Variants in GGNBP2 observed in about 807,000 individuals in gnomAD.
GGNBP2 encodes gametogenetin binding protein 2.
A neutral mutation model predicts 85.9 loss-of-function variants in GGNBP2; 10 were observed. That is an observed-to-expected ratio of 0.12 (90% CI 0.07 to 0.20). GGNBP2 has a LOEUF of 0.20. Among genes scored for constraint, GGNBP2 ranks in the 10% least tolerant of loss-of-function variants. The probability of loss-of-function intolerance (pLI) is 1.00; values close to 1 mark genes in which losing one functional copy is unlikely to be tolerated. For synonymous variants in GGNBP2, 287 were observed against 285.7 expected, an observed-to-expected ratio of 1.00 and a Z score of -0.05; for missense variants, 595 against 857.8, an observed-to-expected ratio of 0.69 and a Z score of 3.83.
At position 36,585,886 on chromosome 17, in the gene GGNBP2, C is replaced by T; in HGVS notation, c.1413C>T (p.Ser471=). 1.2e-6 allele frequency: 2 copies of T among 1,613,746 alleles called. No individual in the cohort carries two copies. Among genetic ancestry groups the T allele is most frequent in the Non-Finnish European group, 1.7e-6 (2 of 1,179,706 alleles). The change falls in exon 11 of 14, where the codon AGC becomes AGT. Residue 471 remains serine, a synonymous_variant. Transcript: ENST00000613102. ...GTAGTGATTGTGGATATTCATCTAGCATGGAAGGGAGTGAAACAGGTTCTC... is the reference window on the plus strand; with the variant it reads ...GTAGTGATTGTGGATATTCATCTAGTATGGAAGGGAGTGAAACAGGTTCTC... The part of the protein sequence containing the change: ...CNGSDCGYSS[S]MEGSETGSRE...
chr17:36,546,831 C>G (rs2074259910), intron 2 of GGNBP2: 1 of 152,064 alleles, frequency 6.6e-6, no homozygotes, highest in Non-Finnish European at 1.5e-5. Context: ...AGTTTTGTTC[C>G]TCAATATTTT....
At chr17:36,576,659 GTATA>G (rs1249359830) in intron 6 of GGNBP2, 4 of 121,228 alleles carry the variant, frequency 3.3e-5, no homozygotes, top group Non-Finnish European at 6.5e-5. Context: ...GTATATATAT[GTATA>G]TATATGTGTA....
At chr17:36,578,894 A>G (rs2074617489) in intron 7 of GGNBP2, 1 of 168,700 alleles carries the variant, frequency 5.9e-6, no homozygotes, top group Admixed American at 6.1e-5. Flanking sequence ...CAAAAAACCT[A>G]AAGAAGGAAA....
At chr17:36,585,019 C>A (rs980984983) in intron 9 of GGNBP2, among the ~76,000 whole-genome samples, 3 of 151,402 alleles carry the variant, frequency 2.0e-5, no homozygotes, top group Admixed American at 2.0e-4. Context: ...AATATTTTTA[C>A]AGCTTCCTCA....
intron 3 of GGNBP2, 27 bp from the exon 4 acceptor site, chr17:36,557,056 C>T: frequency 6.2e-7 from 1 of 1,612,202 alleles, no homozygotes; most frequent in Non-Finnish European, 8.5e-7. Context: ...TTAAAGGACA[C>T]TCTTTCATTT....
chr17:36,566,736 G>A (rs187059156), intron 5 of GGNBP2, among the ~76,000 whole-genome samples: 67 of 151,992 alleles, frequency 4.4e-4, no homozygotes, highest in Admixed American at 2.5e-3. Flanking sequence ...TAAAGTGTTC[G>A]TCTTAGTGTA....
intron 6 of GGNBP2, among the ~76,000 whole-genome samples, chr17:36,570,244 G>A (rs2074509838): frequency 6.6e-6 from 1 of 152,112 alleles, no homozygotes; most frequent in African/African-American, 2.4e-5. Flanking sequence ...CTGCCATGGT[G>A]GCACAAACCT....
At chr17:36,548,014 G>T (rs180959293) in intron 2 of GGNBP2, among the ~76,000 whole-genome samples, 1 of 152,216 alleles carries the variant, frequency 6.6e-6, no homozygotes, top group African/African-American at 2.4e-5. Flanking sequence ...GAAGGAAGAT[G>T]CCCCTATCAG....
In GGNBP2 at chr17:36,567,680, T is replaced by C. The variant is rs750529198; in HGVS notation, c.545T>C (p.Val182Ala). Residue 182 changes from valine to alanine, a missense_variant, in exon 6 of 14, where the codon GTA becomes GCA. Transcript: ENST00000613102. Reference protein sequence around the residue: ...PKPLGGCWMDVWELMSQECRD... With the variant: ...PKPLGGCWMDAWELMSQECRD... Reference sequence around the variant, plus strand: ...TTCTACAGAGGTTGTTGGATGGATGTATGGGAACTAATGTCGCAGGAATGC... The same window carrying C: ...TTCTACAGAGGTTGTTGGATGGATGCATGGGAACTAATGTCGCAGGAATGC... The C allele has an allele frequency of 6.3e-7, 1 of 1,589,614 alleles. No homozygotes were observed. The highest frequency in any genetic ancestry group is 8.6e-7 in the Non-Finnish European group (1 of 1,158,408).
intron 5 of GGNBP2, among the ~76,000 whole-genome samples, chr17:36,566,171 A>G (rs1344943265): frequency 6.6e-6 from 1 of 152,210 alleles, no homozygotes; most frequent in Non-Finnish European, 1.5e-5. Context: ...CTGCAGAAGA[A>G]CAGACAGGAG....
chr17:36,563,150 TA>T (rs1364804014), intron 5 of GGNBP2, among the ~76,000 whole-genome samples: 1 of 149,316 alleles, frequency 6.7e-6, no homozygotes, highest in Non-Finnish European at 1.5e-5. Flanking sequence ...CTTGTAATCT[TA>T]GCTACTTGGG....
chr17:36,574,677 A>G, intron 6 of GGNBP2: 1 of 625,066 alleles, frequency 1.6e-6, no homozygotes, highest in South Asian at 1.8e-5. Flanking sequence ...AAGGTGTAGC[A>G]GTCATCAATA....
intron 3 of GGNBP2, among the ~76,000 whole-genome samples, chr17:36,556,172 G>A (rs546271727): frequency 1.3e-5 from 2 of 152,168 alleles, no homozygotes; most frequent in Non-Finnish European, 2.9e-5. Context: ...TGCAACAGTA[G>A]CTCTCAGTTA....
At chr17:36,554,076 C>T (rs1348981743) in intron 2 of GGNBP2, among the ~76,000 whole-genome samples, 3 of 152,068 alleles carry the variant, frequency 2.0e-5, no homozygotes, top group South Asian at 4.2e-4. Flanking sequence ...ACTGTAATCC[C>T]AGTACTTTGG....
Position 36,559,277 on chromosome 17 carries a change from A to G in GGNBP2, c.429-1496A>G, listed in dbSNP as rs188036877. On this transcript the variant is annotated intron_variant, in intron 4 of 13. Coordinates refer to ENST00000613102, the MANE Select transcript of GGNBP2 (RefSeq NM_024835.5). ...GCGCCACTGCAGTCCAGCGTGGGCA[A>G]CAGAGCGAGACTCTGTCTCAAAAAA... 4.0e-5 allele frequency among the ~76,000 whole-genome samples: 6 copies of G among 148,652 alleles called. No homozygotes were observed. In the East Asian group the frequency reaches 1.2e-3, roughly 29 times the overall value.
At chr17:36,583,852 A>G (rs2074675173) in intron 9 of GGNBP2, among the ~76,000 whole-genome samples, 1 of 152,198 alleles carries the variant, frequency 6.6e-6, no homozygotes, top group Non-Finnish European at 1.5e-5. Flanking sequence ...TAAAAGATTC[A>G]TTGCAATATG....
chr17:36,587,561 T>C, intron 13 of GGNBP2: 2 of 291,702 alleles, frequency 6.9e-6, no homozygotes, highest in Admixed American at 4.4e-5. Context: ...ACATTCAACA[T>C]CCCAATAAAC....
At chr17:36,551,484 G>A (rs754613542) in intron 2 of GGNBP2, among the ~76,000 whole-genome samples, 46 of 152,072 alleles carry the variant, frequency 3.0e-4, no homozygotes, top group Non-Finnish European at 3.7e-4. Flanking sequence ...GATTACGGGC[G>A]TGAGCCACCG....
intron 6 of GGNBP2, among the ~76,000 whole-genome samples, chr17:36,570,525 C>T (rs982903071): frequency 6.6e-6 from 1 of 152,076 alleles, no homozygotes; most frequent in African/African-American, 2.4e-5. Context: ...CATGGGGAAA[C>T]CCCATCTCTA....
Sources: gnomAD v4.1 joint callset for allele counts (sites outside exome capture counted in the v4.1 genomes callset) on GRCh38, gnomAD v4.1.1 for gene constraint, MANE v1.5 for transcripts, NCBI Gene and HGNC (gene_info 2026-07-23, HGNC 2026-07-21) for gene names.